Variants in NRG3 observed in about 807,000 individuals in gnomAD.
NRG3 encodes pro-neuregulin-3, membrane-bound isoform.
NRG3 carries 31 observed loss-of-function variants against 66.9 expected under a neutral mutation model. The ratio of observed to expected loss-of-function variants is 0.46; its 90% CI spans 0.35 to 0.63. The LOEUF (loss-of-function observed/expected upper bound fraction) is 0.63, where lower values mean the gene tolerates loss of function less well. NRG3 is among the 20% of genes least tolerant of loss of function. NRG3 has a pLI of 0.00. For synonymous variants in NRG3, 393 were observed against 359.4 expected, an observed-to-expected ratio of 1.09 and a Z score of -1.06; for missense variants, 910 against 878.9, an observed-to-expected ratio of 1.04 and a Z score of -0.45.
intron 1 of NRG3, among the ~76,000 whole-genome samples, chr10:82,018,970 A>G (rs1433122514): frequency 2.0e-5 from 3 of 152,070 alleles, no homozygotes; most frequent in African/African-American, 7.2e-5. Flanking sequence ...TTCCAACACT[A>G]TATTGAATAG....
At chr10:82,088,390 G>A (rs1161667778) in intron 1 of NRG3, among the ~76,000 whole-genome samples, 3 of 151,966 alleles carry the variant, frequency 2.0e-5, no homozygotes, top group African/African-American at 7.3e-5. Context: ...GTTCATAGTT[G>A]GACAAATTAA....
intron 2 of NRG3, among the ~76,000 whole-genome samples, chr10:82,658,113 C>G (rs1332863002): frequency 6.6e-6 from 1 of 151,960 alleles, no homozygotes; most frequent in East Asian, 1.9e-4. Context: ...AAACATAAAC[C>G]AATATTTTCC....
At chr10:82,962,957 A>G (rs1203771091) in intron 6 of NRG3, among the ~76,000 whole-genome samples, 2 of 152,208 alleles carry the variant, frequency 1.3e-5, no homozygotes, top group South Asian at 4.1e-4. Context: ...GGTAAAGCCC[A>G]CACTTCTCTG....
chr10:82,124,195 G>A (rs1739769), intron 1 of NRG3, among the ~76,000 whole-genome samples: 77,843 of 151,708 alleles, frequency 0.51, 22,281 homozygotes, highest in Non-Finnish European at 0.65. Flanking sequence ...TTCTGAATAG[G>A]ATAGCGTTAT....
intron 1 of NRG3, among the ~76,000 whole-genome samples, chr10:82,313,945 C>A (rs1234717845): frequency 6.6e-6 from 1 of 152,134 alleles, no homozygotes; most frequent in Non-Finnish European, 1.5e-5. Context: ...CCTGTTTTAA[C>A]CTGTCTTCTA....
At position 81,910,258 on chromosome 10, in the gene NRG3, G is replaced by A. The variant is rs181717093; in HGVS notation, c.823+34095G>A. Among the ~76,000 whole-genome samples the A allele has an allele frequency of 3.3e-4, 50 of 152,226 alleles. 1 individual carries two copies. The highest frequency in any genetic ancestry group is 1.3e-4 in the Non-Finnish European group (9 of 68,022). On this transcript the variant is annotated intron_variant, in intron 1 of 8. Coordinates refer to ENST00000372141, the MANE Select transcript of NRG3 (RefSeq NM_001010848.4). The stretch of plus-strand genomic sequence containing the variant: ...AATAATACCCTTTTTATGTTTCTCA[G>A]CTCTAGCTTGCAGAGAAGAGTAAAG...
At chr10:82,976,736 G>A (rs143163953) in intron 7 of NRG3, among the ~76,000 whole-genome samples, 61 of 152,188 alleles carry the variant, frequency 4.0e-4, no homozygotes, top group Non-Finnish European at 7.8e-4. Flanking sequence ...TGAGATAGAC[G>A]GCAGGGAGGA....
At chr10:82,923,050 C>A (rs187124412) in intron 4 of NRG3, among the ~76,000 whole-genome samples, 10 of 152,308 alleles carry the variant, frequency 6.6e-5, no homozygotes, top group Non-Finnish European at 1.2e-4. Context: ...TAACAGCTTA[C>A]TAATATTGAC....
intron 2 of NRG3, among the ~76,000 whole-genome samples, chr10:82,474,752 A>G (rs1841606483): frequency 6.6e-6 from 1 of 152,184 alleles, no homozygotes; most frequent in African/African-American, 2.4e-5. Context: ...AGAAATGAAT[A>G]TACAAATACA....
At chr10:82,326,758 T>C (rs1409406932) in intron 1 of NRG3, among the ~76,000 whole-genome samples, 4 of 152,200 alleles carry the variant, frequency 2.6e-5, no homozygotes, top group Admixed American at 2.6e-4. Flanking sequence ...CTGTCCTTCT[T>C]TGCCAGAAAT....
intron 2 of NRG3, among the ~76,000 whole-genome samples, chr10:82,665,080 G>A (rs1413808002): frequency 6.6e-6 from 1 of 151,974 alleles, no homozygotes; most frequent in African/African-American, 2.4e-5. Flanking sequence ...CATATTTGAT[G>A]AATATCCTTC....
intron 1 of NRG3, among the ~76,000 whole-genome samples, chr10:82,257,130 T>A (rs151311666): frequency 3.3e-5 from 5 of 152,346 alleles, no homozygotes; most frequent in Non-Finnish European, 7.3e-5. Flanking sequence ...GGAATGTATG[T>A]AAATTTTTTA....
chr10:81,890,818 A>G (rs1265306706), intron 1 of NRG3, among the ~76,000 whole-genome samples: 1 of 152,188 alleles, frequency 6.6e-6, no homozygotes, highest in Non-Finnish European at 1.5e-5. Context: ...GAGAGTGTCT[A>G]TGCAAGCAAG....
At chr10:82,004,199 T>C (rs931333505) in intron 1 of NRG3, among the ~76,000 whole-genome samples, 3 of 152,180 alleles carry the variant, frequency 2.0e-5, no homozygotes, top group African/African-American at 7.2e-5. Context: ...TTGTGGACTA[T>C]ATTATTATGA....
At chr10:82,943,640 G>C (rs1327132204) in intron 4 of NRG3, among the ~76,000 whole-genome samples, 8 of 152,166 alleles carry the variant, frequency 5.3e-5, no homozygotes, top group African/African-American at 1.9e-4. Context: ...CAGAAGATGG[G>C]ATGGTGCCTG....
At chr10:81,999,096 C>T (rs1434274580) in intron 1 of NRG3, among the ~76,000 whole-genome samples, 1 of 152,200 alleles carries the variant, frequency 6.6e-6, no homozygotes, top group African/African-American at 2.4e-5. Context: ...AGCCACGGTG[C>T]CTGGGCGGCA....
At chr10:82,290,647 T>C (rs1239273648) in intron 1 of NRG3, among the ~76,000 whole-genome samples, 32 of 152,074 alleles carry the variant, frequency 2.1e-4, no homozygotes, top group African/African-American at 6.7e-4. Context: ...GATTTTTTTT[T>C]TTTTTGAGAT....
chr10:82,454,664 T>C (rs909165756), intron 2 of NRG3, among the ~76,000 whole-genome samples: 4 of 152,176 alleles, frequency 2.6e-5, no homozygotes, highest in Non-Finnish European at 5.9e-5. Context: ...CAATTTCAGA[T>C]GGACCAAACA....
chr10:82,589,447 C>T (rs1201703532), intron 2 of NRG3, among the ~76,000 whole-genome samples: 1 of 152,128 alleles, frequency 6.6e-6, no homozygotes, highest in African/African-American at 2.4e-5. Context: ...AGAGAAACTT[C>T]AACAGTCCTG....
Sources: gnomAD v4.1 joint callset for allele counts (sites outside exome capture counted in the v4.1 genomes callset) on GRCh38, gnomAD v4.1.1 for gene constraint, MANE v1.5 for transcripts, NCBI Gene and HGNC (gene_info 2026-07-23, HGNC 2026-07-21) for gene names.